MMP26: variants seen among roughly 807,000 people sequenced by gnomAD.
MMP26 encodes matrix metalloproteinase-26.
Under a neutral mutation model 31.0 loss-of-function variants are expected in MMP26, and 33 were observed. The ratio of observed to expected loss-of-function variants is 1.06; its 90% CI spans 0.81 to 1.42. The LOEUF is 1.42. Among genes scored for constraint, MMP26 ranks in the 40% most tolerant of loss-of-function variants. MMP26 has a pLI of 0.00. For synonymous variants in MMP26, 122 were observed against 114.9 expected, an observed-to-expected ratio of 1.06 and a Z score of -0.40; for missense variants, 347 against 316.1, an observed-to-expected ratio of 1.10 and a Z score of -0.74.
At chr11:4,878,173 T>C (rs1850409946) in intron 2 of MMP26, 1 of 152,164 alleles carries the variant, frequency 6.6e-6, no homozygotes, top group South Asian at 2.1e-4. Context: ...CTTAGTAAAA[T>C]GCTTTTGAGA....
At chr11:4,964,912 T>C (rs1332195177) in intron 2 of MMP26, among the ~76,000 whole-genome samples, 1 of 152,100 alleles carries the variant, frequency 6.6e-6, no homozygotes, top group Non-Finnish European at 1.5e-5. Context: ...CACTGGGACC[T>C]GTTGGAGAGT....
rs546717721 is a variant in MMP26, at chr11:4,839,987, A to G, written c.-145+72646A>G. ...TCCTGGCCAGGCAGTATTCACCACA[A>G]GCTGACTTAAGAGCCCTTGGGCCTT... is the stretch of plus-strand genomic sequence containing the variant. On this transcript the variant is annotated intron_variant, in intron 2 of 7. Coordinates refer to ENST00000380390, the MANE Select transcript of MMP26 (RefSeq NM_021801.5). Among the ~76,000 whole-genome samples, 95 of 151,350 alleles carry G rather than the reference A, an allele frequency of 6.3e-4. 1 individual carries two copies. The highest frequency in any genetic ancestry group is 3.0e-3 in the Admixed American group (46 of 15,240).
At chr11:4,944,512 T>G in intron 2 of MMP26, 1 of 154,420 alleles carries the variant, frequency 6.5e-6, no homozygotes, top group Admixed American at 6.5e-5. Flanking sequence ...CCATTAATTG[T>G]GAAGTACGGT....
chr11:4,915,103 T>C, intron 2 of MMP26: 1 of 1,614,098 alleles, frequency 6.2e-7, no homozygotes, highest in Non-Finnish European at 8.5e-7. Flanking sequence ...TCATCACTTC[T>C]TGGTGGAGAC....
chr11:4,882,638 A>T (rs187810387), intron 2 of MMP26: 12 of 1,613,888 alleles, frequency 7.4e-6, no homozygotes, highest in Middle Eastern at 1.7e-4. Context: ...TGTCTGTCAC[A>T]TCTGTGCAGT....
rs1850146773 is a variant in MMP26, at chr11:4,861,005, C to T, written c.-145+93664C>T. ...ATCACCAGACACCCACAACTACATA[C>T]AATCCCACTGTCATCACAACCTACA... On this transcript the variant is annotated intron_variant, in intron 2 of 7. Transcript: ENST00000380390. Among the ~76,000 whole-genome samples, 2 of 151,378 alleles carry T rather than the reference C, an allele frequency of 1.3e-5. 1 individual carries two copies. The highest frequency in any genetic ancestry group is 4.1e-4 in the South Asian group (2 of 4,820).
At chr11:4,822,471 C>T in intron 2 of MMP26, 1 of 1,162,286 alleles carries the variant, frequency 8.6e-7, no homozygotes, top group East Asian at 2.8e-5. Context: ...CTCCAACAGT[C>T]CAAACTAAGC....
intron 1 of MMP26, among the ~76,000 whole-genome samples, chr11:4,722,310 T>A (rs1366572020): frequency 6.6e-6 from 1 of 152,154 alleles, no homozygotes; most frequent in Non-Finnish European, 1.5e-5. Flanking sequence ...GTTTATTTCC[T>A]GCTGATTTTG....
intron 1 of MMP26, among the ~76,000 whole-genome samples, chr11:4,758,791 T>A (rs1367638990): frequency 6.6e-6 from 1 of 152,040 alleles, no homozygotes; most frequent in East Asian, 1.9e-4. Flanking sequence ...AATTGAATAA[T>A]GTGTTTACTA....
At chr11:4,812,979 A>G (rs917089782) in intron 2 of MMP26, among the ~76,000 whole-genome samples, 3 of 150,190 alleles carry the variant, frequency 2.0e-5, no homozygotes, top group Non-Finnish European at 4.4e-5. Context: ...GTATATATTT[A>G]TATGTATGTA....
intron 2 of MMP26, chr11:4,848,619 C>T: frequency 6.2e-7 from 1 of 1,608,728 alleles, no homozygotes; most frequent in Non-Finnish European, 8.5e-7. Flanking sequence ...AGCTTCTGGG[C>T]AGGCCAAACG....
At chr11:4,791,587 G>A (rs1849027993) in intron 2 of MMP26, among the ~76,000 whole-genome samples, 1 of 152,078 alleles carries the variant, frequency 6.6e-6, no homozygotes, top group African/African-American at 2.4e-5. Context: ...AATTGTTCCT[G>A]CCTTGTTACC....
At chr11:4,725,167 C>T (rs1007750157) in intron 1 of MMP26, among the ~76,000 whole-genome samples, 3 of 152,188 alleles carry the variant, frequency 2.0e-5, no homozygotes, top group Non-Finnish European at 4.4e-5. Context: ...GCCTGCCCAG[C>T]ACCATGCTTC....
intron 2 of MMP26, among the ~76,000 whole-genome samples, chr11:4,790,701 CTCCACT>C (rs1301271541): frequency 6.6e-6 from 1 of 152,186 alleles, no homozygotes; most frequent in African/African-American, 2.4e-5. Context: ...CACACACCCT[CTCCACT>C]TCCACAAATG....
intron 2 of MMP26, among the ~76,000 whole-genome samples, chr11:4,978,007 CAT>C (rs1846761753): frequency 6.6e-6 from 1 of 151,948 alleles, no homozygotes; most frequent in Non-Finnish European, 1.5e-5. Context: ...ATGGTTCCCC[CAT>C]GTTGTTTTTA....
At chr11:4,780,955 C>G (rs187410784) in intron 2 of MMP26, among the ~76,000 whole-genome samples, 56 of 151,826 alleles carry the variant, frequency 3.7e-4, no homozygotes, top group East Asian at 2.1e-3. Flanking sequence ...TGTAATAATA[C>G]TCAGCAATAA....
intron 2 of MMP26, among the ~76,000 whole-genome samples, chr11:4,823,673 T>C (rs1849542692): frequency 6.6e-6 from 1 of 152,184 alleles, no homozygotes; most frequent in Non-Finnish European, 1.5e-5. Context: ...CTGGGCCAAC[T>C]ATTCACATAA....
intron 2 of MMP26, among the ~76,000 whole-genome samples, chr11:4,829,557 C>T (rs1259840648): frequency 6.6e-6 from 1 of 151,062 alleles, no homozygotes; most frequent in Admixed American, 6.6e-5. Context: ...AATTTCCCTT[C>T]TGAACGTGAG....
rs983885744 is a variant in MMP26 at position 4,936,717 on chromosome 11, G to C, written c.-144-51351G>C. 3.3e-5 allele frequency among the ~76,000 whole-genome samples: 5 copies of C among 152,234 alleles called. 1 individual carries two copies. The South Asian group carries it at 1.0e-3, about 32-fold the overall frequency. ...TAGCCAGAGCTAAGAATGTACCCAT[G>C]AGAAGATAAATGTATTTTTTTGTAA... On this transcript the variant is annotated intron_variant, in intron 2 of 7. Coordinates refer to ENST00000380390, the MANE Select transcript of MMP26 (RefSeq NM_021801.5).
Sources: allele counts gnomAD v4.1 joint callset (sites outside exome capture counted in the v4.1 genomes callset), GRCh38; gene constraint gnomAD v4.1.1; transcripts MANE v1.5; gene names NCBI Gene and HGNC (gene_info 2026-07-23, HGNC 2026-07-21).